TMTC1: variants seen among roughly 807,000 people sequenced by gnomAD.
The protein encoded by TMTC1 is protein O-mannosyl-transferase TMTC1.
TMTC1 carries 73 observed loss-of-function variants against 104.8 expected under a neutral mutation model. The observed-to-expected ratio is 0.70, with a 90% confidence interval of 0.58 to 0.85. The LOEUF (loss-of-function observed/expected upper bound fraction) is 0.85. Among genes scored for constraint, TMTC1 ranks in the 40% least tolerant of loss-of-function variants. The pLI, the probability that TMTC1 is intolerant of heterozygous loss-of-function variation, is 0.00. For missense variants in TMTC1, 1,035 were observed against 1,096.1 expected (o/e 0.94, Z 0.79); for synonymous variants, 434 against 428.7 (o/e 1.01, Z -0.15).
At chr12:29,637,085 A>AAAACACAC (rs374276185) in intron 5 of TMTC1, among the ~76,000 whole-genome samples, 7,844 of 47,498 alleles carry the variant, frequency 0.17, 254 homozygotes, top group South Asian at 0.28. Context: ...CAAAATGAGA[A>AAAACACAC]ACACACACAC....
At chr12:29,660,778 A>G (rs1022970048) in intron 5 of TMTC1, 17 of 240,402 alleles carry the variant, frequency 7.1e-5, no homozygotes, top group South Asian at 1.4e-4. Flanking sequence ...TTTCAAAAGT[A>G]TATATATATA....
At chr12:29,577,395 A>G (rs1444788599) in intron 8 of TMTC1, among the ~76,000 whole-genome samples, 2 of 152,150 alleles carry the variant, frequency 1.3e-5, no homozygotes, top group Non-Finnish European at 2.9e-5. Context: ...ACAAAGGAAA[A>G]TACTCATGCT....
intron 5 of TMTC1, among the ~76,000 whole-genome samples, chr12:29,737,826 G>A (rs560646996): frequency 1.3e-5 from 2 of 152,284 alleles, no homozygotes; most frequent in South Asian, 4.1e-4. Flanking sequence ...CTTCCCAAGG[G>A]CGTGGTGACA....
At chr12:29,618,734 A>G (rs1947055096) in intron 6 of TMTC1, among the ~76,000 whole-genome samples, 1 of 152,040 alleles carries the variant, frequency 6.6e-6, no homozygotes, top group Non-Finnish European at 1.5e-5. Flanking sequence ...GACTTGTTTT[A>G]GCTGCTTTTA....
intron 15 of TMTC1, 98 bp from the exon 16 acceptor site, chr12:29,514,702 C>A: frequency 1.5e-6 from 2 of 1,308,808 alleles, no homozygotes; most frequent in Non-Finnish European, 1.0e-6. Context: ...TATGTGTCAG[C>A]AGGTATGGTA....
intron 5 of TMTC1, among the ~76,000 whole-genome samples, chr12:29,694,614 G>C (rs1444573558): frequency 6.6e-6 from 1 of 152,028 alleles, no homozygotes; most frequent in East Asian, 1.9e-4. Flanking sequence ...TGTGGCTGCT[G>C]TAACAAATGG....
At chr12:29,576,339 G>T (rs1176013405) in intron 8 of TMTC1, among the ~76,000 whole-genome samples, 1 of 152,090 alleles carries the variant, frequency 6.6e-6, no homozygotes, top group Non-Finnish European at 1.5e-5. Flanking sequence ...CCAATGTCAA[G>T]GAGCTTTCCC....
chr12:29,571,292 T>G (rs1945669333), intron 9 of TMTC1, among the ~76,000 whole-genome samples: 1 of 152,130 alleles, frequency 6.6e-6, no homozygotes, highest in African/African-American at 2.4e-5. Context: ...CTCCATGTGT[T>G]GAAGGTTAAG....
intron 14 of TMTC1, 56 bp from the exon 15 acceptor site, chr12:29,516,542 A>C (rs1258807179): frequency 1.3e-6 from 2 of 1,551,122 alleles, no homozygotes; most frequent in Non-Finnish European, 1.7e-6. Flanking sequence ...TATCAAATAA[A>C]GCATCCCTGA....
chr12:29,729,871 C>A (rs1942499816), intron 5 of TMTC1, among the ~76,000 whole-genome samples: 1 of 152,190 alleles, frequency 6.6e-6, no homozygotes, highest in Non-Finnish European at 1.5e-5. Context: ...TCTTGGAATT[C>A]ATCTTCAGAC....
intron 5 of TMTC1, among the ~76,000 whole-genome samples, chr12:29,727,409 C>T (rs924664404): frequency 2.0e-5 from 3 of 152,064 alleles, no homozygotes; most frequent in African/African-American, 7.2e-5. Context: ...CGGAGTCTTG[C>T]TCTGTTGCCC....
At position 29,768,139 on chromosome 12, in the gene TMTC1, A is replaced by T. The variant is rs1479620442; in HGVS notation, c.303-64T>A. The stretch of plus-strand genomic sequence containing the variant: ...TACAAACTCAACATAAACACAAGGA[A>T]CACAGACGGAATCCATCATTTAAAA... On this transcript the variant is annotated intron_variant, in intron 1 of 17. Transcript: ENST00000539277. 37 of 1,192,472 alleles carry T rather than the reference A, an allele frequency of 3.1e-5. No homozygotes were observed. In the Admixed American group the frequency reaches 9.5e-4, roughly 31 times the overall value. The allele number at this position is 1,192,472 out of a possible 1,614,324, so 73.9% of individuals were successfully genotyped here.
At chr12:29,738,123 TA>T (rs1942729998) in intron 5 of TMTC1, among the ~76,000 whole-genome samples, 1 of 152,220 alleles carries the variant, frequency 6.6e-6, no homozygotes, top group African/African-American at 2.4e-5. Context: ...TCACATCATT[TA>T]CAATAATTAT....
At chr12:29,745,023 T>G (rs1942915543) in intron 5 of TMTC1, among the ~76,000 whole-genome samples, 3 of 152,160 alleles carry the variant, frequency 2.0e-5, no homozygotes. Context: ...ACTCTTGGAC[T>G]TAAGCGATCC....
At position 29,643,798 on chromosome 12, in the gene TMTC1, CATATTTATATATTTATAT is replaced by C. The variant is rs1235190470; in HGVS notation, c.939-10480_939-10463del. Among the ~76,000 whole-genome samples, 66 of 33,414 alleles carry C rather than the reference CATATTTATATATTTATAT, an allele frequency of 2.0e-3. 1 individual carries two copies. The highest frequency in any genetic ancestry group is 4.4e-3 in the South Asian group (4 of 906). 21.9% of individuals were successfully genotyped at this position (33,414 alleles called of 152,430 possible). A position where few individuals can be genotyped will look rare whatever the true frequency, so the allele number is the denominator to read the frequency against. ...TTATATATTTATATATATTTATATA[CATATTTATATATTTATAT>C]ATATTTATATATTTATATATATTTA... On this transcript the variant is annotated intron_variant, in intron 5 of 17. Transcript: ENST00000539277.
intron 1 of TMTC1, among the ~76,000 whole-genome samples, chr12:29,773,304 G>T (rs1356126914): frequency 1.3e-5 from 2 of 152,164 alleles, no homozygotes; most frequent in African/African-American, 4.8e-5. Flanking sequence ...TGGAGAGAAA[G>T]GGAGAAGAAA....
chr12:29,604,376 C>G, intron 6 of TMTC1, 77 bp from the exon 7 acceptor site: 1 of 1,578,542 alleles, frequency 6.3e-7, no homozygotes, highest in South Asian at 1.1e-5. Context: ...ATCTCCTTCA[C>G]TTTCAGGTTC....
chr12:29,742,669 G>A (rs1682810882), intron 5 of TMTC1, among the ~76,000 whole-genome samples: 1 of 152,046 alleles, frequency 6.6e-6, no homozygotes, highest in South Asian at 2.1e-4. Context: ...TTTAAAAAAG[G>A]TCAGCTGTTA....
intron 6 of TMTC1, among the ~76,000 whole-genome samples, chr12:29,617,083 T>A (rs1947002345): frequency 6.6e-6 from 1 of 152,032 alleles, no homozygotes; most frequent in Non-Finnish European, 1.5e-5. Context: ...ACCTACATAT[T>A]CCCTACATAT....
Sources: gnomAD v4.1 joint callset for allele counts (sites outside exome capture counted in the v4.1 genomes callset) on GRCh38, gnomAD v4.1.1 for gene constraint, MANE v1.5 for transcripts, NCBI Gene and HGNC (gene_info 2026-07-23, HGNC 2026-07-21) for gene names.